Variants in ANTXRL observed in about 807,000 individuals in gnomAD.
ANTXRL encodes ANTXR like, also known as anthrax toxin receptor-like.
A neutral mutation model predicts 75.4 loss-of-function variants in ANTXRL; 63 were observed. The observed-to-expected ratio is 0.84, with a 90% CI of 0.68 to 1.03. ANTXRL has a LOEUF of 1.03. Ranked by LOEUF, ANTXRL falls within the 50% of genes least tolerant of loss-of-function variation. The pLI is 0.00. For synonymous variants in ANTXRL, 335 were observed against 291.3 expected (o/e 1.15, Z -1.53); for missense variants, 797 against 789.4 (o/e 1.01, Z -0.12).
chr10:46,286,407 C>G (rs1590310402), upstream of ANTXRL: 3 of 152,236 alleles, frequency 2.0e-5, no homozygotes, highest in Admixed American at 2.0e-4. Context: ...ACAGTCCCAG[C>G]TGAGCCCAGG....
chr10:46,290,771 T>G (rs1177847997), intron 1 of ANTXRL, among the ~76,000 whole-genome samples: 2 of 152,120 alleles, frequency 1.3e-5, no homozygotes, highest in African/African-American at 2.4e-5. Context: ...CCATTTTTTT[T>G]GTTGCATTTT....
chr10:46,294,161 C>G (rs59064997), intron 3 of ANTXRL: 1 of 510,356 alleles, frequency 2.0e-6, no homozygotes, highest in East Asian at 3.7e-5. Flanking sequence ...GCCCTCTCTC[C>G]GCTCTGCCTC....
At chr10:46,295,877 T>G in intron 3 of ANTXRL, 142 bp from the exon 4 acceptor site, 4 of 712,478 alleles carry the variant, frequency 5.6e-6, no homozygotes. Flanking sequence ...CAATGAGGAA[T>G]GAGGAGGACA....
intron 11 of ANTXRL, 26 bp downstream of exon 11, chr10:46,306,898 AG>A (rs1565034569): frequency 1.3e-6 from 2 of 1,505,362 alleles, no homozygotes; most frequent in Non-Finnish European, 1.8e-6. Context: ...AGGAGGCTAG[AG>A]GGCAAGAGAC....
At chr10:46,320,138 C>T (rs1838912511) in intron 16 of ANTXRL, among the ~76,000 whole-genome samples, 1 of 152,232 alleles carries the variant, frequency 6.6e-6, no homozygotes, top group East Asian at 1.9e-4. Flanking sequence ...TGATCAGAAG[C>T]AAAAACAGTC....
At chr10:46,320,276 G>C (rs1162622975) in intron 16 of ANTXRL, among the ~76,000 whole-genome samples, 1 of 152,174 alleles carries the variant, frequency 6.6e-6, no homozygotes, top group African/African-American at 2.4e-5. Flanking sequence ...ATGAAATTTA[G>C]AGCTAATCAT....
At chr10:46,309,400 C>T (rs782018787) in intron 13 of ANTXRL, among the ~76,000 whole-genome samples, 198 bp downstream of exon 13, 7 of 152,344 alleles carry the variant, frequency 4.6e-5, no homozygotes, top group Non-Finnish European at 1.0e-4. Context: ...TGCAGGGCCT[C>T]CTGCCCCGGG....
intron 16 of ANTXRL, among the ~76,000 whole-genome samples, chr10:46,321,992 C>G (rs1838999521): frequency 6.6e-6 from 1 of 152,142 alleles, no homozygotes; most frequent in African/African-American, 2.4e-5. Flanking sequence ...TCCATAATAT[C>G]TTAAGTGCTT....
intron 12 of ANTXRL, chr10:46,308,744 G>T: frequency 2.8e-6 from 1 of 350,962 alleles, no homozygotes; most frequent in Non-Finnish European, 5.5e-6. Context: ...GAGGCTGTGG[G>T]GGATGGACCC....
intron 16 of ANTXRL, among the ~76,000 whole-genome samples, chr10:46,327,957 G>A (rs1554966817): frequency 6.6e-6 from 1 of 152,180 alleles, no homozygotes; most frequent in Non-Finnish European, 1.5e-5. Context: ...GGGAGGTCGA[G>A]GCAAAGTAGC....
Position 46,299,361 on chromosome 10 carries a change from G to A in ANTXRL, c.796+1299G>A, listed in dbSNP as rs1156669263. On this transcript the variant is annotated intron_variant, in intron 9 of 16. Coordinates refer to ENST00000620264, the MANE Select transcript of ANTXRL (RefSeq NM_001278688.3). ...AGTGCCTGTCCATGCTGTCTGAGAC[G>A]TAGCGAGGATGCCCTCTTGTCAGCT... is the stretch of plus-strand genomic sequence containing the variant. Among the ~76,000 whole-genome samples, 5 of 152,122 alleles carry A rather than the reference G, an allele frequency of 3.3e-5. No individual in the cohort carries two copies. The East Asian group carries it at 5.8e-4, about 18-fold the overall frequency.
At chr10:46,310,638 A>G (rs1451298009) in intron 14 of ANTXRL, 139 bp downstream of exon 14, 5 of 915,982 alleles carry the variant, frequency 5.5e-6, no homozygotes, top group African/African-American at 3.3e-5. Context: ...ATGGAGCCTG[A>G]GAAGATGGGG....
chr10:46,309,039 A>G, intron 12 of ANTXRL, 74 bp from the exon 13 acceptor site: 1 of 1,530,594 alleles, frequency 6.5e-7, no homozygotes, highest in Non-Finnish European at 8.7e-7. Context: ...AGGAGTGGGC[A>G]GATGGGCCAC....
At chr10:46,290,632 T>C (rs1247913658) in intron 1 of ANTXRL, among the ~76,000 whole-genome samples, 1 of 152,182 alleles carries the variant, frequency 6.6e-6, no homozygotes, top group Non-Finnish European at 1.5e-5. Context: ...CCCCAATGGG[T>C]GTGAAGTTGT....
At chr10:46,313,155 G>A (rs1838525581) in intron 15 of ANTXRL, 81 bp from the exon 16 acceptor site, 9 of 1,254,610 alleles carry the variant, frequency 7.2e-6, no homozygotes, top group Non-Finnish European at 1.0e-5. Flanking sequence ...GCACAGAGCT[G>A]TGGGGGGCTG....
intron 16 of ANTXRL, among the ~76,000 whole-genome samples, chr10:46,326,373 C>T (rs1252252561): frequency 6.6e-6 from 1 of 152,072 alleles, no homozygotes; most frequent in African/African-American, 2.4e-5. Context: ...GGAGGCAGCC[C>T]CTCACAACAT....
chr10:46,310,328 G>A (rs868988988), intron 13 of ANTXRL, 133 bp from the exon 14 acceptor site: 2 of 830,868 alleles, frequency 2.4e-6, no homozygotes, highest in East Asian at 2.7e-5. Context: ...ACAGGCTCAG[G>A]GTGGCCAGAG....
intron 16 of ANTXRL, among the ~76,000 whole-genome samples, chr10:46,313,555 G>T (rs2132838777): frequency 6.6e-6 from 1 of 152,292 alleles, no homozygotes; most frequent in African/African-American, 2.4e-5. Context: ...TAACAGAGTT[G>T]TTGGGCAACA....
intron 4 of ANTXRL, 54 bp from the exon 5 acceptor site, chr10:46,296,165 C>A (rs539919706): frequency 1.6e-4 from 251 of 1,534,764 alleles, no homozygotes; most frequent in South Asian, 2.5e-4. Flanking sequence ...AATCTTAGAG[C>A]ATCAGTGGGA....
Sources: gnomAD v4.1 joint callset for allele counts (sites outside exome capture counted in the v4.1 genomes callset) on GRCh38, gnomAD v4.1.1 for gene constraint, MANE v1.5 for transcripts, NCBI Gene and HGNC (gene_info 2026-07-23, HGNC 2026-07-21) for gene names.